The following AGO3 variants were observed in gnomAD, a reference collection of about 807,000 sequenced individuals.
The protein encoded by AGO3 is argonaute RISC catalytic component 3.
In AGO3, 16 loss-of-function variants were observed where a neutral mutation model predicts 105.5. The observed-to-expected ratio is 0.15, with a 90% confidence interval of 0.10 to 0.23. The LOEUF (loss-of-function observed/expected upper bound fraction) is 0.23. Ranked by LOEUF, AGO3 falls within the 10% of genes least tolerant of loss-of-function variation. The pLI is 1.00. For missense variants in AGO3, 534 were observed against 1,088.0 expected, an observed-to-expected ratio of 0.49 and a Z score of 7.16; for synonymous variants, 340 against 367.3, an observed-to-expected ratio of 0.93 and a Z score of 0.85.
At chr1:35,931,580 C>G (rs549035317) in intron 1 of AGO3, 135 bp downstream of exon 1, 1 of 1,023,678 alleles carries the variant, frequency 9.8e-7, no homozygotes, top group Admixed American at 4.3e-5. Flanking sequence ...GCCCCTCGCC[C>G]TGCTCCTCCG....
At chr1:36,040,231 A>G in intron 15 of AGO3, 76 bp from the exon 16 acceptor site, 1 of 1,463,906 alleles carries the variant, frequency 6.8e-7, no homozygotes, top group Admixed American at 2.1e-5. Context: ...TCCTGAGATT[A>G]AATCATTATC....
chr1:36,047,837 C>T (rs1261673053), intron 17 of AGO3, among the ~76,000 whole-genome samples: 2 of 151,930 alleles, frequency 1.3e-5, no homozygotes, highest in African/African-American at 4.8e-5. Flanking sequence ...TGAGATCACA[C>T]CACTACACTC....
At chr1:35,995,620 T>G (rs1648255036) in intron 5 of AGO3, among the ~76,000 whole-genome samples, 1 of 152,134 alleles carries the variant, frequency 6.6e-6, no homozygotes, top group South Asian at 2.1e-4. Flanking sequence ...GATAAAACAT[T>G]AAAACTGGTA....
At position 36,046,561 on chromosome 1, in the gene AGO3, GGC is replaced by G. The variant is rs535494551; in HGVS notation, c.2274+3020_2274+3021del. Reference sequence around the variant, plus strand: ...ACAAAACAAATTAGTTGGACGTCATGGCGCGCGCCTGTAGTCCCAGCTACTCC... The same window carrying G: ...ACAAAACAAATTAGTTGGACGTCATGGCGCGCCTGTAGTCCCAGCTACTCC... On this transcript the variant is annotated intron_variant, in intron 17 of 18. Transcript: ENST00000373191. Among the ~76,000 whole-genome samples the G allele has an allele frequency of 2.1e-3, 306 of 144,676 alleles. 2 individuals are homozygous for G. Among genetic ancestry groups the G allele is most frequent in the Non-Finnish European group, 3.8e-3 (254 of 67,140 alleles). 94.9% of individuals were successfully genotyped at this position (144,676 alleles called of 152,430 possible).
At chr1:35,942,868 A>G (rs1417650374) in intron 1 of AGO3, among the ~76,000 whole-genome samples, 3 of 152,200 alleles carry the variant, frequency 2.0e-5, no homozygotes, top group Non-Finnish European at 4.4e-5. Context: ...TATCCATTTA[A>G]CAAATCTGCA....
chr1:36,036,885 G>A (rs541169213), intron 14 of AGO3, among the ~76,000 whole-genome samples: 2 of 151,870 alleles, frequency 1.3e-5, no homozygotes, highest in East Asian at 1.9e-4. Flanking sequence ...TAGTAGAGAC[G>A]GGGCTTCACC....
At chr1:36,033,910 T>G (rs1024469048) in intron 12 of AGO3, among the ~76,000 whole-genome samples, 5 of 152,190 alleles carry the variant, frequency 3.3e-5, no homozygotes, top group African/African-American at 1.2e-4. Context: ...TTTCAGTTAT[T>G]GCAGTTATGC....
intron 2 of AGO3, among the ~76,000 whole-genome samples, chr1:35,955,143 A>T (rs1222086191): frequency 1.3e-5 from 2 of 152,242 alleles, no homozygotes; most frequent in Non-Finnish European, 2.9e-5. Context: ...CAGAAATAGT[A>T]GAGAGCCAAT....
chr1:36,036,989 C>T (rs1190239073), intron 14 of AGO3, among the ~76,000 whole-genome samples: 2 of 152,118 alleles, frequency 1.3e-5, no homozygotes, highest in Non-Finnish European at 2.9e-5. Context: ...AGCTACCGTG[C>T]CCAGCCAAAT....
In AGO3 at chr1:35,945,753, C is replaced by T. The variant is rs377039064; in HGVS notation, c.81C>T (p.Gly27=). 26 of 1,613,366 alleles carry T rather than the reference C, an allele frequency of 1.6e-5. No individual in the cohort carries two copies. The highest frequency in any genetic ancestry group is 2.2e-5 in the Non-Finnish European group (26 of 1,180,044). The change falls in exon 2 of 19, where the codon GGC becomes GGT. Residue 27 remains glycine (G), a synonymous_variant. Coordinates refer to ENST00000373191, the MANE Select transcript of AGO3 (RefSeq NM_024852.4). ...VPRRPGYGTM[G]KPIKLLANCF... is the part of the protein sequence containing the mutation. ...GAAGACCTGGCTATGGCACCATGGGCAAACCCATTAAACTGCTGGCTAACT... is the reference window on the plus strand; with the variant it reads ...GAAGACCTGGCTATGGCACCATGGGTAAACCCATTAAACTGCTGGCTAACT...
At position 35,931,342 on chromosome 1, in the gene AGO3, T is replaced by TCGCGC. The variant is rs1646042903; in HGVS notation, c.-80_-76dup. ...GGGCCGAGTGAGAGTGCCCGTCGCG[T>TCGCGC]CGCGCCGCGTCGCCCCCCGGGCCGC... On this transcript the variant is annotated 5_prime_UTR_variant, in exon 1 of 19. Coordinates refer to ENST00000373191, the MANE Select transcript of AGO3 (RefSeq NM_024852.4). 7.8e-7 allele frequency: 1 copy of TCGCGC among 1,288,194 alleles called. No individual in the cohort carries two copies. The highest frequency in any genetic ancestry group is 2.1e-4 in the Middle Eastern group (1 of 4,782). 79.8% of individuals were successfully genotyped at this position (1,288,194 alleles called of 1,614,324 possible).
chr1:36,048,467 A>G (rs1386539749), intron 17 of AGO3, among the ~76,000 whole-genome samples: 1 of 152,214 alleles, frequency 6.6e-6, no homozygotes, highest in Non-Finnish European at 1.5e-5. Context: ...TATTATGGAA[A>G]CAACAGTATA....
intron 2 of AGO3, among the ~76,000 whole-genome samples, chr1:35,966,621 G>A (rs559768983): frequency 6.6e-6 from 1 of 152,264 alleles, no homozygotes; most frequent in South Asian, 2.1e-4. Context: ...GATTACTCTT[G>A]GAGAAAGAAG....
At chr1:35,959,849 A>G (rs998916228) in intron 2 of AGO3, among the ~76,000 whole-genome samples, 5 of 152,052 alleles carry the variant, frequency 3.3e-5, no homozygotes, top group Non-Finnish European at 5.9e-5. Context: ...AATTCTTAAA[A>G]TATATTTGTG....
intron 9 of AGO3, among the ~76,000 whole-genome samples, chr1:36,010,083 C>T (rs1476126757): frequency 6.6e-6 from 1 of 151,768 alleles, no homozygotes; most frequent in Non-Finnish European, 1.5e-5. Context: ...GGACTACAGG[C>T]GCATGCCACC....
intron 5 of AGO3, among the ~76,000 whole-genome samples, chr1:35,980,122 C>T (rs1647026575): frequency 6.6e-6 from 1 of 152,144 alleles, no homozygotes; most frequent in African/African-American, 2.4e-5. Flanking sequence ...TGATACCTAT[C>T]TTCCTCTGTT....
chr1:36,022,222 G>C (rs1641269575), intron 11 of AGO3, among the ~76,000 whole-genome samples: 1 of 151,888 alleles, frequency 6.6e-6, no homozygotes, highest in Non-Finnish European at 1.5e-5. Context: ...TTGCCACTAT[G>C]CTCTGCTAAC....
intron 2 of AGO3, among the ~76,000 whole-genome samples, chr1:35,950,652 A>G (rs1247892432): frequency 2.0e-5 from 3 of 152,146 alleles, no homozygotes; most frequent in Non-Finnish European, 4.4e-5. Flanking sequence ...TATGTTAAGT[A>G]TATTTCAAAT....
At chr1:36,031,658 A>G (rs1031615078) in intron 12 of AGO3, among the ~76,000 whole-genome samples, 19 of 151,714 alleles carry the variant, frequency 1.3e-4, no homozygotes, top group African/African-American at 2.2e-4. Context: ...CCAAACTGAA[A>G]CTCTTTATCC....
Sources: allele counts gnomAD v4.1 joint callset (sites outside exome capture counted in the v4.1 genomes callset), GRCh38; gene constraint gnomAD v4.1.1; transcripts MANE v1.5; gene names NCBI Gene and HGNC (gene_info 2026-07-23, HGNC 2026-07-21).